OPLAH: variants seen among roughly 807,000 people sequenced by gnomAD.
The protein encoded by OPLAH is 5-oxoprolinase.
Under a neutral mutation model 122.8 loss-of-function variants are expected in OPLAH, and 103 were observed. The observed-to-expected ratio is 0.84, with a 90% CI of 0.71 to 0.99. OPLAH has a LOEUF of 0.99. Among genes scored for constraint, OPLAH ranks in the 50% least tolerant of loss-of-function variants. OPLAH has a pLI of 0.00. For synonymous variants in OPLAH, 875 were observed against 796.0 expected (o/e 1.10, Z -1.67); for missense variants, 1,902 against 1,836.5 (o/e 1.04, Z -0.65).
rs1554758558 is a variant in OPLAH at position 144,054,846 on chromosome 8, C to T, written c.2477G>A (p.Gly826Asp). The change falls in exon 18 of 27, where the codon GGC (glycine) becomes GAC (aspartate). Residue 826 changes from glycine (G) to aspartate (D), a missense_variant. Physicochemically the swap from Gly to Asp is moderately conservative, Grantham distance 94. Coordinates refer to ENST00000618853, the MANE Select transcript of OPLAH (RefSeq NM_017570.5). ...AACAGTCAGGTCTGGCAGGTGGCTG[C>T]CCCCGGCACTGGGATGGTTGCTCAG... ...VLLSNHPSAG[G>D]SHLPDLTVIT... 2.5e-6 allele frequency: 4 copies of T among 1,612,018 alleles called. No homozygotes were observed. In the Admixed American group the frequency reaches 5.0e-5, roughly 20 times the overall value.
Position 144,055,800 on chromosome 8 carries a change from T to C in OPLAH, c.2236A>G (p.Met746Val). ...IQLSIFSHRF[M>V]SIAEQMGRIL... is the part of the protein sequence containing the mutation. ...AGCGGCCACTCACCAGCAATGCTCA[T>C]GAAGCGGTGTGAGAAGATGGACAGC... The change falls in exon 16 of 27, where the codon ATG becomes GTG. Residue 746 changes from methionine to valine, a missense_variant. Met to Val is a conservative substitution (Grantham distance 21). Transcript: ENST00000618853. The surrounding 1 kb of genome is among the most constrained non-coding windows in gnomAD (Gnocchi z 6.5). 1 of 1,544,598 alleles carries C rather than the reference T, an allele frequency of 6.5e-7. No individual in the cohort carries two copies. Among genetic ancestry groups the C allele is most frequent in the Non-Finnish European group, 8.7e-7 (1 of 1,144,388 alleles).
intron 7 of OPLAH, 42 bp from the exon 8 acceptor site, chr8:144,058,190 G>A (rs782635563): frequency 3.7e-6 from 6 of 1,606,492 alleles, no homozygotes; most frequent in South Asian, 2.2e-5. Flanking sequence ...GAAGACCCAG[G>A]GGCCCAGCAG....
rs782296310 is a variant in OPLAH at position 144,052,804 on chromosome 8, G to A, written c.3115C>T (p.Leu1039=). 1 of 1,563,002 alleles carries A rather than the reference G, an allele frequency of 6.4e-7. No homozygotes were observed. The highest frequency in any genetic ancestry group is 8.7e-7 in the Non-Finnish European group (1 of 1,154,724). The change falls in exon 22 of 27, where the codon CTG becomes TTG. Residue 1039 remains leucine (L), a synonymous_variant. Transcript: ENST00000618853. Reference sequence around the variant, plus strand: ...ATGTCGCGGCCCACCAGACAGCGCAGGCAGTAGATGAGGGCGGACAGGGTT... The same window carrying A: ...ATGTCGCGGCCCACCAGACAGCGCAAGCAGTAGATGAGGGCGGACAGGGTT... The part of the protein sequence containing the change: ...AVTLSALIYC[L]RCLVGRDIPL...
Position 144,051,716 on chromosome 8 carries a change from C to T in OPLAH, c.3720+13G>A. On this transcript the variant is annotated intron_variant, in intron 26 of 26. Transcript: ENST00000618853. Reference sequence around the variant, plus strand: ...GGGGAGGGGAGGGGGACAGGACAGGCCGCGGCCCTTACCCCGGGGTACACG... The same window carrying T: ...GGGGAGGGGAGGGGGACAGGACAGGTCGCGGCCCTTACCCCGGGGTACACG... 1 of 1,584,770 alleles carries T rather than the reference C, an allele frequency of 6.3e-7. No homozygotes were observed.
Position 144,058,569 on chromosome 8 carries a change from G to T in OPLAH, c.710C>A (p.Ala237Asp), listed in dbSNP as rs1156272257. 6.2e-6 allele frequency: 10 copies of T among 1,601,600 alleles called. No homozygotes were observed. The highest frequency in any genetic ancestry group is 8.5e-6 in the Non-Finnish European group (10 of 1,179,070). ...GATGGCGGGCGTGAGGTAGGCGTCG[G>T]CACAGGCCGTGTGCCCCCGAGGGAC... Reference protein sequence around the residue: ...RIVPRGHTACADAYLTPAIQR... With the variant: ...RIVPRGHTACDDAYLTPAIQR... The change falls in exon 6 of 27, where the codon GCC (alanine) becomes GAC (aspartate). Residue 237 changes from alanine (A) to aspartate (D), a missense_variant. By Grantham distance (126) the Ala-to-Asp change is moderately radical. Around this residue, in one of 3 missense-constraint regions of OPLAH, gnomAD observed 1,726 missense variants for 1,642.1 expected, o/e 1.05. Coordinates refer to ENST00000618853, the MANE Select transcript of OPLAH (RefSeq NM_017570.5).
chr8:144,062,313 T>C (rs1266725470), upstream of OPLAH, among the ~76,000 whole-genome samples: 3 of 152,096 alleles, frequency 2.0e-5, no homozygotes, highest in Non-Finnish European at 4.4e-5. Flanking sequence ...CATGTCCAGA[T>C]GACTGCCCTG....
upstream of OPLAH, among the ~76,000 whole-genome samples, chr8:144,062,242 G>A (rs996375125): frequency 4.6e-5 from 7 of 152,060 alleles, no homozygotes; most frequent in Admixed American, 2.0e-4. Context: ...GCTCCCCATA[G>A]ACAGGGATGG....
Position 144,056,207 on chromosome 8 carries a change from A to G in OPLAH, c.2036T>C (p.Leu679Pro). 6.2e-7 allele frequency: 1 copy of G among 1,612,238 alleles called. No individual in the cohort carries two copies. The highest frequency in any genetic ancestry group is 1.1e-5 in the South Asian group (1 of 91,078). The change falls in exon 15 of 27, where the codon CTG becomes CCG. Residue 679 changes from leucine to proline, a missense_variant. Around this residue, in one of 3 missense-constraint regions of OPLAH, gnomAD observed 1,726 missense variants for 1,642.1 expected, o/e 1.05. Transcript: ENST00000618853. ...CTTGTGCCCATAGCCCAGCTCTGCC[A>G]GCAGGTACACAGGGGTCTCCTGGTA... ...GGYQETPVYL[L>P]AELGYGHKLH...
chr8:144,063,334 C>G (rs1475345390), upstream of OPLAH, among the ~76,000 whole-genome samples: 5 of 152,220 alleles, frequency 3.3e-5, no homozygotes, highest in African/African-American at 1.2e-4. This position sits in a 1 kb window ranked among gnomAD's most constrained non-coding sequence, Gnocchi z 4.2. Flanking sequence ...ACTTCTCACA[C>G]CTCCACCCCG....
At position 144,057,963 on chromosome 8, in the gene OPLAH, G is replaced by A. The variant is rs202131088; in HGVS notation, c.1089-40C>T. The stretch of plus-strand genomic sequence containing the variant: ...GGCTGGGGTTGGAGTTGGACACGAG[G>A]AGGGAGACAGGGCTGGGGTCCCAGC... On this transcript the variant is annotated intron_variant, in intron 8 of 26. Transcript: ENST00000618853. 10 of 1,611,928 alleles carry A rather than the reference G, an allele frequency of 6.2e-6. No individual in the cohort carries two copies. In the Admixed American group the frequency reaches 1.3e-4, roughly 22 times the overall value.
chr8:144,053,029 T>A lies in OPLAH; in HGVS notation c.2972A>T (p.Asp991Val). The A allele has an allele frequency of 6.2e-7, 1 of 1,603,456 alleles. No homozygotes were observed. Among genetic ancestry groups the A allele is most frequent in the South Asian group, 1.1e-5 (1 of 89,412 alleles). Residue 991 changes from aspartate (D) to valine (V), a missense_variant, in exon 21 of 27, where the codon GAC (aspartate) becomes GTC (valine). Physicochemically the swap from Asp to Val is radical, Grantham distance 152. Around this residue, in one of 3 missense-constraint regions of OPLAH, gnomAD observed 1,726 missense variants for 1,642.1 expected, o/e 1.05. Transcript: ENST00000618853. ...PLEVSSEDHM[D>V]DGSPIRLRVQ... is the part of the protein sequence containing the mutation. ...ACGGAGGCGGATGGGGGAACCGTCG[T>A]CCATGTGGTCTTCCGAGGACACCTC...
In OPLAH at chr8:144,051,315, T is replaced by C. The variant is rs1259768739; in HGVS notation, c.*11A>G. 5 of 1,610,934 alleles carry C rather than the reference T, an allele frequency of 3.1e-6. No individual in the cohort carries two copies. The African/African-American group carries it at 4.0e-5, about 13-fold the overall frequency. On this transcript the variant is annotated 3_prime_UTR_variant, in exon 27 of 27. Transcript: ENST00000618853. ...AACCGGGAGACTTAAGGCATCTTTA[T>C]TGCGGGATCCTCACACGGCCTCCTG...
intron 26 of OPLAH, 28 bp from the exon 27 acceptor site, chr8:144,051,500 C>T (rs782655254): frequency 1.2e-5 from 15 of 1,264,462 alleles, no homozygotes; most frequent in South Asian, 1.5e-5. Context: ...GGCGGGGAGG[C>T]GGGCTCAGTG....
intron 12 of OPLAH, 45 bp downstream of exon 12, chr8:144,056,903 T>TGA (rs1835530962): frequency 1.3e-6 from 2 of 1,532,938 alleles, no homozygotes; most frequent in South Asian, 2.4e-5. Flanking sequence ...AAGGGCGTGG[T>TGA]GAGGACAACG....
In OPLAH at chr8:144,053,371, C is replaced by A. The variant is rs782219441; in HGVS notation, c.2709G>T (p.Ala903=). ...QEEAVTEALR[A]PGKVPNCSGT... ...CGCTGCAGTTGGGGACCTTGCCTGG[C>A]GCCCGCAGGGCCTCCGTCACCGCTG... Residue 903 remains alanine (A), a synonymous_variant, in exon 20 of 27, where the codon GCG becomes GCT. Transcript: ENST00000618853. 3 of 1,611,496 alleles carry A rather than the reference C, an allele frequency of 1.9e-6. No homozygotes were observed. Among genetic ancestry groups the A allele is most frequent in the Non-Finnish European group, 2.5e-6 (3 of 1,179,264 alleles).
rs1587559378 is a variant in OPLAH at position 144,056,381 on chromosome 8, C to T, written c.1983+4G>A. On this transcript the variant is annotated splice_donor_region_variant and intron_variant, in intron 14 of 26. Coordinates refer to ENST00000618853, the MANE Select transcript of OPLAH (RefSeq NM_017570.5). ...GTCAGGCTGGCACAGGCAGGACCAC[C>T]AACCTTGTCCACCCGGGGAGGCCCG... is the stretch of plus-strand genomic sequence containing the variant. 1 of 1,602,892 alleles carries T rather than the reference C, an allele frequency of 6.2e-7. No homozygotes were observed. The highest frequency in any genetic ancestry group is 8.5e-7 in the Non-Finnish European group (1 of 1,174,932).
chr8:144,063,402 A>G (rs557869667), upstream of OPLAH, among the ~76,000 whole-genome samples: 282 of 152,326 alleles, frequency 1.9e-3, 1 homozygote, highest in African/African-American at 6.3e-3. The surrounding 1 kb of genome is among the most constrained non-coding windows in gnomAD (Gnocchi z 4.2). Context: ...CAGAGAGCGC[A>G]GGGCTGGGAG....
intron 3 of OPLAH, 140 bp from the exon 4 acceptor site, chr8:144,059,219 A>T (rs1554760307): frequency 6.9e-6 from 5 of 725,352 alleles, no homozygotes; most frequent in Non-Finnish European, 1.1e-5. Flanking sequence ...TGGCAGCCCC[A>T]GCAAGGCTCA....
Position 144,052,824 on chromosome 8 carries a change from A to G in OPLAH, c.3095T>C (p.Leu1032Pro). Residue 1032 changes from leucine (L) to proline (P), a missense_variant, in exon 22 of 27, where the codon CTG becomes CCG. Leu to Pro is a moderately conservative substitution (Grantham distance 98). Coordinates refer to ENST00000618853, the MANE Select transcript of OPLAH (RefSeq NM_017570.5). ...GNLNAPRAVT[L>P]SALIYCLRCL... ...GCGCAGGCAGTAGATGAGGGCGGAC[A>G]GGGTTACGGCCCGCGGTGCGTTGAG... 6.4e-7 allele frequency: 1 copy of G among 1,559,640 alleles called. No individual in the cohort carries two copies. The highest frequency in any genetic ancestry group is 2.4e-5 in the East Asian group (1 of 41,350).
Sources: gnomAD v4.1 joint callset for allele counts (sites outside exome capture counted in the v4.1 genomes callset) on GRCh38, gnomAD v4.1.1 for gene constraint, gnomAD v4.1.1 regional missense constraint, Gnocchi (gnomAD v3.1) non-coding constraint, MANE v1.5 for transcripts, NCBI Gene and HGNC (gene_info 2026-07-23, HGNC 2026-07-21) for gene names.